GRAMD4: variants seen among roughly 807,000 people sequenced by gnomAD.
GRAMD4 encodes the protein GRAM domain containing 4.
A neutral mutation model predicts 83.9 loss-of-function variants in GRAMD4; 25 were observed. The ratio of observed to expected loss-of-function variants is 0.30; its 90% CI spans 0.22 to 0.42. The LOEUF is 0.42. Ranked by LOEUF, GRAMD4 falls within the 10% of genes least tolerant of loss-of-function variation. The probability of loss-of-function intolerance (pLI) is 1.00; values close to 1 mark genes in which losing one functional copy is unlikely to be tolerated. For missense variants in GRAMD4, 593 were observed against 788.7 expected, an observed-to-expected ratio of 0.75 and a Z score of 2.97; for synonymous variants, 336 against 320.9, an observed-to-expected ratio of 1.05 and a Z score of -0.50.
At position 46,679,711 on chromosome 22, in the gene GRAMD4, CTTTG is replaced by C. The variant is rs529540267; in HGVS notation, c.*2468_*2471del. 8.9e-5 allele frequency: 87 copies of C among 972,704 alleles called. No individual in the cohort carries two copies. The South Asian group carries it at 1.8e-3, about 20-fold the overall frequency. 60.3% of individuals were successfully genotyped at this position (972,704 alleles called of 1,614,324 possible). Reference sequence around the variant, plus strand: ...CTCCTGTAACATTTTTTTAAGAAAACTTTGTTTGTTTAAAGAAAAAGTATTGTAT... The same window carrying C: ...CTCCTGTAACATTTTTTTAAGAAAACTTTGTTTAAAGAAAAAGTATTGTAT... On this transcript the variant is annotated 3_prime_UTR_variant, in exon 19 of 19. Coordinates refer to ENST00000406902, the MANE Select transcript of GRAMD4 (RefSeq NM_015124.5).
chr22:46,670,792 G>T (rs2082490438), intron 13 of GRAMD4, among the ~76,000 whole-genome samples: 1 of 152,128 alleles, frequency 6.6e-6, no homozygotes. Context: ...TTTTAATAGA[G>T]ACGAGGTTTC....
At chr22:46,635,711 G>A (rs2081871524) in intron 2 of GRAMD4, among the ~76,000 whole-genome samples, 2 of 94,888 alleles carry the variant, frequency 2.1e-5, no homozygotes, top group South Asian at 6.6e-4. Context: ...CCCCACCCCT[G>A]ACCACTCCTG....
chr22:46,596,464 G>C (rs371162990), intron 1 of GRAMD4, among the ~76,000 whole-genome samples: 3 of 152,332 alleles, frequency 2.0e-5, no homozygotes, highest in East Asian at 3.9e-4. Context: ...GCTTGGCAAG[G>C]GGCTCGAATG....
chr22:46,607,975 G>T (rs1751870753), intron 1 of GRAMD4, among the ~76,000 whole-genome samples: 1 of 152,228 alleles, frequency 6.6e-6, no homozygotes, highest in Non-Finnish European at 1.5e-5. Context: ...CTTCTCCACA[G>T]TTAGGGCAGC....
At position 46,661,425 on chromosome 22, in the gene GRAMD4, A is replaced by G. The variant is rs760391274; in HGVS notation, c.449A>G (p.Gln150Arg). The G allele has an allele frequency of 1.2e-6, 2 of 1,603,760 alleles. No homozygotes were observed. Among genetic ancestry groups the G allele is most frequent in the South Asian group, 2.2e-5 (2 of 90,968 alleles). Residue 150 changes from glutamine (Q) to arginine (R), a missense_variant, in exon 5 of 19, where the codon CAG becomes CGG. This residue lies in a region of GRAMD4 where 312 missense variants were observed against 350.7 expected (regional missense o/e 0.89). Transcript: ENST00000406902. ...CAGCAGCCCCCAAAAGGGCAGGCCCAGGCCAGCAATGGAGCAGGTACACCC... is the reference window on the plus strand; with the variant it reads ...CAGCAGCCCCCAAAAGGGCAGGCCCGGGCCAGCAATGGAGCAGGTACACCC... ...MAQQPPKGQA[Q>R]ASNGAERRSQ... is the part of the protein sequence containing the mutation.
downstream of GRAMD4, chr22:46,679,851 C>T (rs1037403715): frequency 1.1e-6 from 1 of 943,832 alleles, no homozygotes; most frequent in Non-Finnish European, 1.3e-6. Context: ...CCAGCTGGGC[C>T]ACCAACCCCA....
chr22:46,675,816 A>G (rs1216865762), intron 17 of GRAMD4, among the ~76,000 whole-genome samples: 1 of 151,736 alleles, frequency 6.6e-6, no homozygotes, highest in African/African-American at 2.4e-5. Flanking sequence ...CCCAAGCCCC[A>G]CTCTGGCTGC....
upstream of GRAMD4, among the ~76,000 whole-genome samples, chr22:46,619,832 A>T (rs1191171034): frequency 6.6e-6 from 1 of 151,914 alleles, no homozygotes; most frequent in Non-Finnish European, 1.5e-5. Flanking sequence ...GCTGGGGCCC[A>T]CTGCAGTGGG....
At chr22:46,612,750 G>A (rs148904275) in intron 1 of GRAMD4, among the ~76,000 whole-genome samples, 1 of 152,392 alleles carries the variant, frequency 6.6e-6, no homozygotes, top group Non-Finnish European at 1.5e-5. Flanking sequence ...ACGGATGGGA[G>A]CAGAGGGTGT....
At chr22:46,657,838 G>A (rs2082267035) in intron 3 of GRAMD4, among the ~76,000 whole-genome samples, 3 of 152,216 alleles carry the variant, frequency 2.0e-5, no homozygotes, top group South Asian at 2.1e-4. Flanking sequence ...CGTCCTTTCC[G>A]CAGGTGTCCT....
Position 46,678,500 on chromosome 22 carries a change from G to T in GRAMD4, c.*1249G>T, listed in dbSNP as rs975878897. On this transcript the variant is annotated 3_prime_UTR_variant, in exon 19 of 19. Transcript: ENST00000406902. The stretch of plus-strand genomic sequence containing the variant: ...CTGGTCTGCTGGGGCCGCCTGCGCT[G>T]GGCTGAAGGGAGGGAAAGGCGGCTT... 1 of 985,402 alleles carries T rather than the reference G, an allele frequency of 1.0e-6. No homozygotes were observed. Among genetic ancestry groups the T allele is most frequent in the Non-Finnish European group, 1.2e-6 (1 of 829,942 alleles). The allele number at this position is 985,402 out of a possible 1,614,324, so 61.0% of individuals were successfully genotyped here.
At chr22:46,673,152 T>TA (rs2082539362) in intron 14 of GRAMD4, among the ~76,000 whole-genome samples, 155 bp downstream of exon 14, 1 of 152,124 alleles carries the variant, frequency 6.6e-6, no homozygotes, top group South Asian at 2.1e-4. Flanking sequence ...TTTTTCCCTG[T>TA]TACCACTGCG....
At chr22:46,658,762 G>A (rs984159802) in intron 4 of GRAMD4, among the ~76,000 whole-genome samples, 7 of 152,024 alleles carry the variant, frequency 4.6e-5, no homozygotes, top group Admixed American at 6.5e-5. Flanking sequence ...CTGCCTGTGC[G>A]TGTTCCCATG....
chr22:46,621,827 G>A lies in GRAMD4; in HGVS notation c.-50+1262G>A, dbSNP rs907021437. On this transcript the variant is annotated intron_variant, in intron 1 of 18. Coordinates refer to ENST00000406902, the MANE Select transcript of GRAMD4 (RefSeq NM_015124.5). This position sits in a 1 kb window ranked among gnomAD's most constrained non-coding sequence, Gnocchi z 5.8. ...GGAAGGTCCATCCCTGGCAGTGTGT[G>A]GTGACATGTGTCGTGACATGGAGTT... 1.3e-5 allele frequency among the ~76,000 whole-genome samples: 2 copies of A among 152,242 alleles called. No homozygotes were observed. The highest frequency in any genetic ancestry group is 4.8e-5 in the African/African-American group (2 of 41,462).
downstream of GRAMD4, among the ~76,000 whole-genome samples, chr22:46,680,606 TCATC>T (rs1569313505): frequency 2.7e-5 from 1 of 36,386 alleles, no homozygotes; most frequent in African/African-American, 9.9e-5. Flanking sequence ...ACCCACCCAT[TCATC>T]CATCCACCCA....
chr22:46,673,120 C>G (rs567554916), intron 14 of GRAMD4, 123 bp downstream of exon 14: 27 of 795,996 alleles, frequency 3.4e-5, no homozygotes, highest in Non-Finnish European at 5.2e-5. Context: ...ATTTTATAGA[C>G]TCCTTAAACT....
At chr22:46,603,932 C>T (rs73181073) in intron 1 of GRAMD4, among the ~76,000 whole-genome samples, 1,552 of 152,314 alleles carry the variant, frequency 0.01, 22 homozygotes, top group Non-Finnish European at 0.015. Context: ...CCTTGTTCTG[C>T]ATTCAAACCT....
intron 2 of GRAMD4, among the ~76,000 whole-genome samples, chr22:46,633,402 G>A (rs2081806924): frequency 6.6e-6 from 1 of 152,252 alleles, no homozygotes; most frequent in African/African-American, 2.4e-5. Context: ...TGAAGGTGGG[G>A]ACTTGGATGA....
rs1320504750 is a variant in GRAMD4, at chr22:46,621,546, C to G, written c.-50+981C>G. Among the ~76,000 whole-genome samples the G allele has an allele frequency of 2.5e-5, 3 of 121,598 alleles. 1 individual carries two copies. Among genetic ancestry groups the G allele is most frequent in the Non-Finnish European group, 5.2e-5 (3 of 57,722 alleles). The allele number at this position is 121,598 out of a possible 152,430, so 79.8% of individuals were successfully genotyped here. On this transcript the variant is annotated intron_variant, in intron 1 of 18. Transcript: ENST00000406902. This position sits in a 1 kb window ranked among gnomAD's most constrained non-coding sequence, Gnocchi z 5.8. ...ACCCCTACCCCGGTGCAGGCGCAGG[C>G]TGGAGGCGTAGCCCGGGCCCATCCC...
Sources: allele counts gnomAD v4.1 joint callset (sites outside exome capture counted in the v4.1 genomes callset), GRCh38; gene constraint gnomAD v4.1.1; regional missense constraint gnomAD v4.1.1; non-coding constraint Gnocchi (gnomAD v3.1); transcripts MANE v1.5; gene names NCBI Gene and HGNC (gene_info 2026-07-23, HGNC 2026-07-21).